GALK2: variants seen among roughly 807,000 people sequenced by gnomAD.
The protein encoded by GALK2 is galactokinase 2.
In GALK2, 36 loss-of-function variants were observed where a neutral mutation model predicts 52.4. The observed-to-expected ratio is 0.69, with a 90% CI of 0.53 to 0.91. The LOEUF (loss-of-function observed/expected upper bound fraction) is 0.91. Among genes scored for constraint, GALK2 ranks in the 40% least tolerant of loss-of-function variants. The pLI is 0.00. For synonymous variants in GALK2, 176 were observed against 199.1 expected (o/e 0.88, Z 0.98); for missense variants, 579 against 559.1 (o/e 1.04, Z -0.36).
At chr15:49,188,615 G>A (rs2086523615) in intron 1 of GALK2, among the ~76,000 whole-genome samples, 1 of 152,150 alleles carries the variant, frequency 6.6e-6, no homozygotes, top group South Asian at 2.1e-4. Context: ...CTGATTTTGG[G>A]TTCTTAAGAA....
At chr15:49,234,830 G>A (rs2090707253) in intron 3 of GALK2, among the ~76,000 whole-genome samples, 1 of 151,412 alleles carries the variant, frequency 6.6e-6, no homozygotes, top group Non-Finnish European at 1.5e-5. Flanking sequence ...GCAGTGGCAC[G>A]ATCTCAGCTC....
At chr15:49,185,118 T>C (rs1392034961) in intron 1 of GALK2, among the ~76,000 whole-genome samples, 1 of 152,194 alleles carries the variant, frequency 6.6e-6, no homozygotes, top group Non-Finnish European at 1.5e-5. Context: ...TTTCAACCCA[T>C]ACCCCACTCC....
At chr15:49,353,369 T>C (rs2042532606) in intron 3 of GALK2, 1 of 152,202 alleles carries the variant, frequency 6.6e-6, no homozygotes, top group Non-Finnish European at 1.5e-5. Flanking sequence ...ACACTGTGTC[T>C]CTGTTTTTCC....
intron 8 of GALK2, among the ~76,000 whole-genome samples, chr15:49,309,679 G>A (rs2035829783): frequency 6.6e-6 from 1 of 151,354 alleles, no homozygotes; most frequent in African/African-American, 2.4e-5. Flanking sequence ...GGAGTGCAAT[G>A]GCATGATCTT....
intron 5 of GALK2, among the ~76,000 whole-genome samples, chr15:49,265,086 A>T (rs998081376): frequency 6.6e-5 from 10 of 152,110 alleles, no homozygotes; most frequent in African/African-American, 2.2e-4. Context: ...GTGCTGGGAG[A>T]ACCACTGCTC....
At chr15:49,290,546 C>T (rs1408588986) in intron 7 of GALK2, among the ~76,000 whole-genome samples, 2 of 152,186 alleles carry the variant, frequency 1.3e-5, no homozygotes, top group Admixed American at 1.3e-4. Flanking sequence ...TCTCCCCACA[C>T]ATCACTGGCC....
upstream of GALK2, among the ~76,000 whole-genome samples, chr15:49,166,737 G>T (rs1325671473): frequency 6.6e-6 from 1 of 151,918 alleles, no homozygotes; most frequent in Non-Finnish European, 1.5e-5. Flanking sequence ...AAGAAGGAAT[G>T]TAACATCATT....
chr15:49,232,644 G>T (rs749399868), intron 3 of GALK2, among the ~76,000 whole-genome samples: 1 of 152,164 alleles, frequency 6.6e-6, no homozygotes, highest in East Asian at 1.9e-4. Context: ...CTTTGCTCAC[G>T]CATATGAACA....
chr15:49,340,928 G>A (rs74338683), intron 3 of GALK2, among the ~76,000 whole-genome samples: 16 of 152,126 alleles, frequency 1.1e-4, no homozygotes, highest in African/African-American at 3.9e-4. Context: ...TCCATTTTGA[G>A]TTAATTTTTG....
Position 49,319,798 on chromosome 15 carries a change from A to G in GALK2, c.1162A>G (p.Ile388Val), listed in dbSNP as rs899214041. ...SCPELDQLVD[I>V]CRKFGAQGSR... ...CCCCGAGCTGGATCAGCTGGTGGAC[A>G]TCTGTCGGTGAGGCAGCCTGGTGGG... The change falls in exon 9 of 10, where the codon ATC (isoleucine) becomes GTC (valine). Residue 388 changes from isoleucine to valine, a missense_variant. Physicochemically the swap from Ile to Val is conservative, Grantham distance 29. Coordinates refer to ENST00000560031, the MANE Select transcript of GALK2 (RefSeq NM_002044.4). 1.2e-6 allele frequency: 2 copies of G among 1,613,488 alleles called. No individual in the cohort carries two copies. Among genetic ancestry groups the G allele is most frequent in the African/African-American group, 1.3e-5 (1 of 75,054 alleles).
At chr15:49,243,980 A>T (rs1349182936) in intron 5 of GALK2, among the ~76,000 whole-genome samples, 2 of 152,086 alleles carry the variant, frequency 1.3e-5, no homozygotes, top group African/African-American at 2.4e-5. Flanking sequence ...AGACTGGAAG[A>T]ACTCTCTGAT....
chr15:49,237,233 A>C (rs1182831051), intron 4 of GALK2, among the ~76,000 whole-genome samples: 1 of 152,218 alleles, frequency 6.6e-6, no homozygotes, highest in Admixed American at 6.5e-5. Flanking sequence ...GTGCAAAAGC[A>C]AACTTATACA....
intron 9 of GALK2, among the ~76,000 whole-genome samples, chr15:49,323,732 G>A (rs2037096211): frequency 6.6e-6 from 1 of 152,160 alleles, no homozygotes; most frequent in South Asian, 2.1e-4. Context: ...AAGGGGGGTT[G>A]GGAAAGAGCA....
chr15:49,260,080 C>A (rs901864720), intron 5 of GALK2, among the ~76,000 whole-genome samples: 2 of 151,950 alleles, frequency 1.3e-5, no homozygotes, highest in African/African-American at 2.4e-5. Flanking sequence ...ATTTATAGTC[C>A]TTTGGGTATA....
In GALK2 at chr15:49,224,219, A is replaced by G. The variant is rs567439186; in HGVS notation, c.266+6906A>G. Among the ~76,000 whole-genome samples, 18 of 152,190 alleles carry G rather than the reference A, an allele frequency of 1.2e-4. No individual in the cohort carries two copies. In the East Asian group the frequency reaches 2.3e-3, roughly 20 times the overall value. ...TTTTTTGCTTGTTTATTTGTTTACA[A>G]TGTTTACAGATTCTGATATTAGACC... On this transcript the variant is annotated intron_variant, in intron 3 of 9. Transcript: ENST00000560031.
At chr15:49,360,419 A>T (rs1047417502) in intron 3 of GALK2, among the ~76,000 whole-genome samples, 17 of 152,220 alleles carry the variant, frequency 1.1e-4, no homozygotes, top group Non-Finnish European at 2.1e-4. Flanking sequence ...TTTTAACGAG[A>T]CCCATACAGA....
chr15:49,248,316 C>T lies in GALK2; in HGVS notation c.504+8949C>T, dbSNP rs560338527. On this transcript the variant is annotated intron_variant, in intron 5 of 9. Transcript: ENST00000560031. ...ACTAATTATTATGCTTAGAAGTCCA[C>T]ATAAGGACATTGTTTCAGTTTGCTT... Among the ~76,000 whole-genome samples, 8 of 152,318 alleles carry T rather than the reference C, an allele frequency of 5.3e-5. No homozygotes were observed. The South Asian group carries it at 8.3e-4, about 16-fold the overall frequency.
intron 2 of GALK2, among the ~76,000 whole-genome samples, chr15:49,205,133 G>T (rs1220027910): frequency 1.3e-5 from 2 of 152,080 alleles, no homozygotes; most frequent in African/African-American, 4.8e-5. Context: ...CGATTGGGTT[G>T]GTTCCATAAT....
At chr15:49,190,608 C>G (rs2086660560) in intron 1 of GALK2, among the ~76,000 whole-genome samples, 2 of 152,186 alleles carry the variant, frequency 1.3e-5, no homozygotes, top group South Asian at 4.1e-4. Flanking sequence ...GAGGAGGCCT[C>G]TCTACTTCTA....
Sources: gnomAD v4.1 joint callset for allele counts (sites outside exome capture counted in the v4.1 genomes callset) on GRCh38, gnomAD v4.1.1 for gene constraint, MANE v1.5 for transcripts, NCBI Gene and HGNC (gene_info 2026-07-23, HGNC 2026-07-21) for gene names.